Variants in CNTN5 observed in about 807,000 individuals in gnomAD.
The protein encoded by CNTN5 is contactin 5.
Under a neutral mutation model 129.1 loss-of-function variants are expected in CNTN5, and 77 were observed. The ratio of observed to expected loss-of-function variants is 0.60; its 90% confidence interval spans 0.50 to 0.72. CNTN5 has a LOEUF of 0.72. Ranked by LOEUF, CNTN5 falls within the 30% of genes least tolerant of loss-of-function variation. The probability of loss-of-function intolerance (pLI) is 0.00; values close to 1 mark genes in which losing one functional copy is unlikely to be tolerated. For missense variants in CNTN5, 1,478 were observed against 1,328.8 expected (o/e 1.11, Z -1.75); for synonymous variants, 509 against 465.6 (o/e 1.09, Z -1.20).
chr11:99,508,571 T>A (rs548443149), intron 2 of CNTN5, among the ~76,000 whole-genome samples: 1 of 152,296 alleles, frequency 6.6e-6, no homozygotes, highest in South Asian at 2.1e-4. Flanking sequence ...CAATGGATAA[T>A]GAGAGCAAAC....
intron 1 of CNTN5, among the ~76,000 whole-genome samples, chr11:99,323,497 T>C (rs1865655466): frequency 6.6e-6 from 1 of 152,190 alleles, no homozygotes; most frequent in Non-Finnish European, 1.5e-5. Flanking sequence ...TAATTAGTGA[T>C]ACTTCTTATT....
rs184902206 is a variant in CNTN5 at position 99,133,681 on chromosome 11, G to T, written c.-210+112411G>T. ...AAGCTCAATATCACTGATCATTAGA[G>T]AAATGCAAATCAAAACTACAATGAG... On this transcript the variant is annotated intron_variant, in intron 1 of 24. Coordinates refer to ENST00000524871, the MANE Select transcript of CNTN5 (RefSeq NM_014361.4). 1.3e-3 allele frequency among the ~76,000 whole-genome samples: 191 copies of T among 147,642 alleles called. 1 individual carries two copies. Among genetic ancestry groups the T allele is most frequent in the African/African-American group, 4.4e-3 (178 of 40,224 alleles).
intron 13 of CNTN5, among the ~76,000 whole-genome samples, chr11:100,179,016 A>G (rs1438066068): frequency 6.6e-6 from 1 of 152,156 alleles, no homozygotes; most frequent in Non-Finnish European, 1.5e-5. Context: ...ATACAGGAAT[A>G]CAATGTGTAA....
At chr11:99,386,243 T>C (rs574008422) in intron 2 of CNTN5, among the ~76,000 whole-genome samples, 72 of 152,316 alleles carry the variant, frequency 4.7e-4, no homozygotes, top group African/African-American at 1.7e-3. Flanking sequence ...AGAGGGTTCT[T>C]GGATCTCACA....
chr11:100,262,907 C>A (rs1950232476), intron 17 of CNTN5, among the ~76,000 whole-genome samples: 1 of 152,050 alleles, frequency 6.6e-6, no homozygotes, highest in African/African-American at 2.4e-5. Context: ...CCTGCACGTT[C>A]TACACATGTA....
At chr11:100,254,174 A>T (rs1050470544) in intron 16 of CNTN5, among the ~76,000 whole-genome samples, 1 of 152,136 alleles carries the variant, frequency 6.6e-6, no homozygotes, top group African/African-American at 2.4e-5. Context: ...ATACCGTCTA[A>T]CCAAATTTGA....
chr11:100,118,702 A>G (rs1015801865), intron 13 of CNTN5, among the ~76,000 whole-genome samples: 1 of 151,908 alleles, frequency 6.6e-6, no homozygotes, highest in Admixed American at 6.6e-5. Flanking sequence ...AAAGGTTGAC[A>G]AAATTGACCA....
chr11:99,778,874 AAG>A lies in CNTN5; in HGVS notation c.56-40668_56-40667del, dbSNP rs1945216679. 2.6e-5 allele frequency among the ~76,000 whole-genome samples: 4 copies of A among 151,652 alleles called. No individual in the cohort carries two copies. The South Asian group carries it at 8.3e-4, about 31-fold the overall frequency. On this transcript the variant is annotated intron_variant, in intron 3 of 24. Transcript: ENST00000524871. Reference sequence around the variant, plus strand: ...TTCTCTATTTGTGTTAAATTTATAAAAGAATATGGTAAATTAATTTCATAGCA... The same window carrying A: ...TTCTCTATTTGTGTTAAATTTATAAAAATATGGTAAATTAATTTCATAGCA...
At position 99,904,561 on chromosome 11, in the gene CNTN5, T is replaced by A. The variant is rs182584984; in HGVS notation, c.578-11493T>A. ...TATCATTGATGGGCATTTGAGCTAG[T>A]TCCAAGTCTTTGCTACTGTGAATAG... On this transcript the variant is annotated intron_variant, in intron 6 of 24. Coordinates refer to ENST00000524871, the MANE Select transcript of CNTN5 (RefSeq NM_014361.4). Among the ~76,000 whole-genome samples, 35 of 152,308 alleles carry A rather than the reference T, an allele frequency of 2.3e-4. No individual in the cohort carries two copies. The East Asian group carries it at 6.4e-3, about 28-fold the overall frequency.
chr11:99,844,720 C>G, intron 4 of CNTN5, 132 bp from the exon 5 acceptor site: 1 of 776,144 alleles, frequency 1.3e-6, no homozygotes. Flanking sequence ...GCTATTCCTT[C>G]TTTTGGGAAT....
intron 2 of CNTN5, among the ~76,000 whole-genome samples, chr11:99,517,226 A>G (rs756023055): frequency 6.6e-6 from 1 of 152,086 alleles, no homozygotes; most frequent in African/African-American, 2.4e-5. Context: ...CCGGTCATCA[A>G]GCTCTATCAA....
chr11:99,660,571 G>T (rs1012172346), intron 3 of CNTN5, among the ~76,000 whole-genome samples: 12 of 152,032 alleles, frequency 7.9e-5, no homozygotes, highest in Non-Finnish European at 1.6e-4. Flanking sequence ...CCTGAATTAG[G>T]GTAGTAACAG....
chr11:100,030,389 A>ATGCAG (rs1255027116), intron 9 of CNTN5, among the ~76,000 whole-genome samples: 1 of 152,166 alleles, frequency 6.6e-6, no homozygotes, highest in Non-Finnish European at 1.5e-5. Flanking sequence ...AAATAAATAA[A>ATGCAG]TGCAGTGACT....
At chr11:99,895,578 GA>G (rs1949183818) in intron 6 of CNTN5, among the ~76,000 whole-genome samples, 1 of 152,220 alleles carries the variant, frequency 6.6e-6, no homozygotes, top group African/African-American at 2.4e-5. Flanking sequence ...ATGAAGCCAT[GA>G]AGCTGAACAT....
At chr11:99,276,057 TC>T (rs1863412816) in intron 1 of CNTN5, among the ~76,000 whole-genome samples, 1 of 151,586 alleles carries the variant, frequency 6.6e-6, no homozygotes, top group Non-Finnish European at 1.5e-5. Flanking sequence ...AATCCTTTGA[TC>T]CCCTGGGGAG....
chr11:99,729,879 C>T (rs1453842496), intron 3 of CNTN5, among the ~76,000 whole-genome samples: 1 of 152,078 alleles, frequency 6.6e-6, no homozygotes, highest in African/African-American at 2.4e-5. Flanking sequence ...AGGGGAACAA[C>T]ACACATTGGG....
intron 3 of CNTN5, among the ~76,000 whole-genome samples, chr11:99,626,542 T>C (rs1007875953): frequency 6.6e-6 from 1 of 152,148 alleles, no homozygotes; most frequent in East Asian, 1.9e-4. Flanking sequence ...AAGTCTTCTA[T>C]TGCCCCACCA....
At chr11:100,189,119 A>G (rs1007165918) in intron 13 of CNTN5, among the ~76,000 whole-genome samples, 1 of 152,098 alleles carries the variant, frequency 6.6e-6, no homozygotes, top group Non-Finnish European at 1.5e-5. Context: ...AAAACTAACT[A>G]TTGGGTACTG....
At chr11:99,926,665 C>T (rs911125768) in intron 7 of CNTN5, among the ~76,000 whole-genome samples, 6 of 152,024 alleles carry the variant, frequency 3.9e-5, no homozygotes, top group African/African-American at 1.2e-4. Flanking sequence ...AACTTTTATA[C>T]CACAAACACA....
Sources: gnomAD v4.1 joint callset for allele counts (sites outside exome capture counted in the v4.1 genomes callset) on GRCh38, gnomAD v4.1.1 for gene constraint, MANE v1.5 for transcripts, NCBI Gene and HGNC (gene_info 2026-07-23, HGNC 2026-07-21) for gene names.